The following ESRRG variants were observed in gnomAD, a reference collection of about 807,000 sequenced individuals.
The protein encoded by ESRRG is estrogen related receptor gamma.
In ESRRG, 13 loss-of-function variants were observed where a neutral mutation model predicts 44.0. The observed-to-expected ratio is 0.30, with a 90% CI of 0.19 to 0.47. ESRRG has a LOEUF of 0.47. Ranked by LOEUF, ESRRG falls within the 20% of genes least tolerant of loss-of-function variation. The pLI, the probability that ESRRG is intolerant of heterozygous loss-of-function variation, is 1.00. For missense variants in ESRRG, 395 were observed against 580.6 expected (o/e 0.68, Z 3.29); for synonymous variants, 215 against 214.6 (o/e 1.00, Z -0.02).
chr1:216,745,354 A>G lies in ESRRG; in HGVS notation c.-13-67863T>C, dbSNP rs569193801. ...GGTTTGTTTGTTTGTTTGTTTGTTT[A>G]TTTCCCATCATTTTTTCCCAAAGAC... On this transcript the variant is annotated intron_variant, in intron 2 of 7. Coordinates refer to the ESRRG transcript ENST00000359162. Among the ~76,000 whole-genome samples, 16 of 148,870 alleles carry G rather than the reference A, an allele frequency of 1.1e-4. No homozygotes were observed. The South Asian group carries it at 1.5e-3, about 14-fold the overall frequency.
intron 1 of ESRRG, among the ~76,000 whole-genome samples, chr1:217,079,577 C>T (rs548897389): frequency 6.6e-5 from 10 of 152,354 alleles, no homozygotes; most frequent in Non-Finnish European, 1.3e-4. Flanking sequence ...GTAGATCTAA[C>T]TTCCTATCTC....
chr1:216,857,788 G>A (rs1052642079), intron 2 of ESRRG, among the ~76,000 whole-genome samples: 9 of 149,208 alleles, frequency 6.0e-5, no homozygotes, highest in Non-Finnish European at 1.0e-4. Flanking sequence ...AAAATGACAC[G>A]CCCATTTACT....
intron 1 of ESRRG, among the ~76,000 whole-genome samples, chr1:216,953,052 C>G (rs1382582627): frequency 6.6e-6 from 1 of 152,118 alleles, no homozygotes; most frequent in Non-Finnish European, 1.5e-5. Flanking sequence ...CATTTCTCCC[C>G]CACATAAATA....
chr1:216,531,445 G>A (rs1024926963), intron 5 of ESRRG, among the ~76,000 whole-genome samples: 3 of 152,000 alleles, frequency 2.0e-5, no homozygotes, highest in Admixed American at 6.6e-5. Flanking sequence ...CTTGGCATAC[G>A]TTCCACTGGG....
intron 2 of ESRRG, among the ~76,000 whole-genome samples, chr1:216,906,504 T>C (rs2059701097): frequency 6.6e-6 from 1 of 152,102 alleles, no homozygotes; most frequent in South Asian, 2.1e-4. Flanking sequence ...AGCAAAGCCC[T>C]CCCGTGCCTC....
chr1:216,887,521 A>G (rs1392450338), intron 2 of ESRRG, among the ~76,000 whole-genome samples: 1 of 152,232 alleles, frequency 6.6e-6, no homozygotes, highest in African/African-American at 2.4e-5. Context: ...TTGCATGTAC[A>G]TCCTGGCATG....
chr1:217,131,593 C>T (rs562430415), intron 1 of ESRRG, among the ~76,000 whole-genome samples: 5 of 152,256 alleles, frequency 3.3e-5, no homozygotes, highest in African/African-American at 1.2e-4. Flanking sequence ...AAAGTAAATG[C>T]TTTTATTTTA....
At chr1:216,985,164 T>A (rs987472954) in intron 1 of ESRRG, among the ~76,000 whole-genome samples, 6 of 152,134 alleles carry the variant, frequency 3.9e-5, no homozygotes, top group Non-Finnish European at 8.8e-5. Context: ...AACTATGAAC[T>A]TCAAAACATA....
intron 3 of ESRRG, among the ~76,000 whole-genome samples, chr1:216,568,978 C>T (rs796203137): frequency 5.3e-5 from 8 of 151,844 alleles, no homozygotes; most frequent in South Asian, 4.2e-4. Context: ...CGCTTGAACC[C>T]GGGAGGCGGA....
chr1:217,104,033 A>T (rs1166352), intron 1 of ESRRG, among the ~76,000 whole-genome samples: 146,191 of 152,238 alleles, frequency 0.96, 70,492 homozygotes, highest in Middle Eastern at 1. Flanking sequence ...ATCCTTGATA[A>T]CACATAAAGA....
chr1:216,558,931 G>T (rs1274527931), intron 5 of ESRRG, among the ~76,000 whole-genome samples: 1 of 151,748 alleles, frequency 6.6e-6, no homozygotes. Context: ...GTGCAGTGAC[G>T]TGATCCGGGC....
chr1:216,967,643 A>G (rs2070742290), intron 1 of ESRRG, among the ~76,000 whole-genome samples: 1 of 152,210 alleles, frequency 6.6e-6, no homozygotes, highest in African/African-American at 2.4e-5. Flanking sequence ...CACTATTGAA[A>G]GACAATTTGG....
intron 2 of ESRRG, among the ~76,000 whole-genome samples, chr1:216,856,750 C>G (rs1272637596): frequency 6.6e-6 from 1 of 152,158 alleles, no homozygotes; most frequent in East Asian, 1.9e-4. Flanking sequence ...CAGCAGCTGT[C>G]AGGCTATTTT....
chr1:216,691,611 C>A (rs985380510), intron 1 of ESRRG, among the ~76,000 whole-genome samples: 1 of 152,130 alleles, frequency 6.6e-6, no homozygotes, highest in Non-Finnish European at 1.5e-5. Flanking sequence ...TTCATGTTTT[C>A]CTGAAAAGGG....
intron 1 of ESRRG, among the ~76,000 whole-genome samples, chr1:217,117,038 T>C (rs985870020): frequency 6.6e-6 from 1 of 152,146 alleles, no homozygotes; most frequent in African/African-American, 2.4e-5. Flanking sequence ...AAATGCCACA[T>C]TGATGATAGT....
intron 1 of ESRRG, among the ~76,000 whole-genome samples, chr1:217,013,833 T>C (rs900177421): frequency 1.3e-5 from 2 of 148,272 alleles, no homozygotes; most frequent in Non-Finnish European, 1.5e-5. Flanking sequence ...TGTTACCTCC[T>C]ACCATTAAAA....
chr1:216,943,878 T>C (rs1489144187), intron 1 of ESRRG, among the ~76,000 whole-genome samples: 1 of 152,132 alleles, frequency 6.6e-6, no homozygotes, highest in Non-Finnish European at 1.5e-5. Context: ...AGGATTATCT[T>C]GGGCAGGCAC....
intron 1 of ESRRG, among the ~76,000 whole-genome samples, chr1:217,128,051 G>C (rs1385113719): frequency 6.6e-6 from 1 of 152,134 alleles, no homozygotes; most frequent in Non-Finnish European, 1.5e-5. Context: ...CTGTGCACAG[G>C]TACTTAGGCA....
At chr1:216,903,412 T>G (rs538673572) in intron 2 of ESRRG, among the ~76,000 whole-genome samples, 61 of 140,424 alleles carry the variant, frequency 4.3e-4, no homozygotes, top group African/African-American at 1.6e-3. Context: ...TATATATGTG[T>G]GGTTGTGTGT....
Sources: gnomAD v4.1 joint callset for allele counts (sites outside exome capture counted in the v4.1 genomes callset) on GRCh38, gnomAD v4.1.1 for gene constraint, MANE v1.5 for transcripts, NCBI Gene and HGNC (gene_info 2026-07-23, HGNC 2026-07-21) for gene names.